KIF1A: variants seen among roughly 807,000 people sequenced by gnomAD.
KIF1A encodes kinesin family member 1A, also known as kinesin-like protein KIF1A.
In KIF1A, 46 loss-of-function variants were observed where a neutral mutation model predicts 227.3. The ratio of observed to expected loss-of-function variants is 0.20; its 90% CI spans 0.16 to 0.26. KIF1A has a LOEUF of 0.26. KIF1A is among the 10% of genes least tolerant of loss of function. The pLI, the probability that KIF1A is intolerant of heterozygous loss-of-function variation, is 1.00. For missense variants in KIF1A, 1,683 were observed against 2,485.9 expected, an observed-to-expected ratio of 0.68 and a Z score of 6.87; for synonymous variants, 1,022 against 1,012.8, an observed-to-expected ratio of 1.01 and a Z score of -0.17.
intron 34 of KIF1A, among the ~76,000 whole-genome samples, chr2:240,741,851 C>T (rs182043627): frequency 7.9e-5 from 12 of 152,344 alleles, no homozygotes; most frequent in Admixed American, 7.8e-4. Context: ...TGTCCCTCAG[C>T]TCCCACTGAC....
intron 38 of KIF1A, chr2:240,734,791 C>T (rs1365082445): frequency 1.3e-5 from 17 of 1,301,316 alleles, no homozygotes; most frequent in Non-Finnish European, 1.7e-5. Flanking sequence ...CCGGGCAGCG[C>T]AGCGGGAGCG....
chr2:240,780,802 A>ACACACACACACACACACACACAGCTC (rs1559522424), intron 10 of KIF1A, among the ~76,000 whole-genome samples: 1 of 52,922 alleles, frequency 1.9e-5, no homozygotes, highest in Non-Finnish European at 3.7e-5. Flanking sequence ...ACAGCTCCAC[A>ACACACACACACACACACACACAGCTC]CACACACACA....
At chr2:240,779,510 A>C (rs2053293395) in intron 10 of KIF1A, among the ~76,000 whole-genome samples, 1 of 146,086 alleles carries the variant, frequency 6.8e-6, no homozygotes, top group Non-Finnish European at 1.5e-5. Flanking sequence ...TCAGTTCCAC[A>C]CTCAGTTCCT....
At chr2:240,770,547 C>T (rs1190742949) in intron 15 of KIF1A, among the ~76,000 whole-genome samples, 1 of 152,168 alleles carries the variant, frequency 6.6e-6, no homozygotes, top group Non-Finnish European at 1.5e-5. Context: ...CCCACAGATG[C>T]CATCCAGCTC....
chr2:240,754,723 C>T (rs2049626248), intron 27 of KIF1A, among the ~76,000 whole-genome samples: 1 of 152,148 alleles, frequency 6.6e-6, no homozygotes, highest in Non-Finnish European at 1.5e-5. Flanking sequence ...CAGGCCTGTC[C>T]CTACCAGCCA....
At chr2:240,731,278 T>A (rs2046566839) in intron 38 of KIF1A, among the ~76,000 whole-genome samples, 1 of 149,640 alleles carries the variant, frequency 6.7e-6, no homozygotes, top group African/African-American at 2.5e-5. Context: ...GTATGCCAGA[T>A]GCCAGGCACA....
intron 6 of KIF1A, among the ~76,000 whole-genome samples, chr2:240,786,126 G>A (rs2054719700): frequency 6.6e-6 from 1 of 152,244 alleles, no homozygotes. Flanking sequence ...GAAGCCCCAT[G>A]GAGGTGACAG....
intron 40 of KIF1A, chr2:240,724,325 C>T (rs968794484): frequency 1.4e-5 from 7 of 490,874 alleles, no homozygotes; most frequent in Admixed American, 6.7e-5. Flanking sequence ...AAGTGGGGTA[C>T]AGGCAACATG....
chr2:240,819,328 C>T (rs1426675619), intron 1 of KIF1A, among the ~76,000 whole-genome samples: 1 of 152,194 alleles, frequency 6.6e-6, no homozygotes, highest in African/African-American at 2.4e-5. Context: ...CGCAGCCCCT[C>T]CCTCGCCGCC....
chr2:240,723,372 G>A, intron 42 of KIF1A, 41 bp downstream of exon 42: 1 of 1,504,998 alleles, frequency 6.6e-7, no homozygotes, highest in South Asian at 1.3e-5. Context: ...AAAGCCACAT[G>A]GACACCACCG....
rs377694236 is a variant in KIF1A, at chr2:240,718,154, G to A, written c.5229C>T (p.Phe1743=). ...QQAMLKTPNT[F]AVCTEHRGIL... ...TGCCGCGGTGTTCCGTGCACACCGCGAATGTGTTGGGTGTCTGCAGAGGGA... is the reference window on the plus strand; with the variant it reads ...TGCCGCGGTGTTCCGTGCACACCGCAAATGTGTTGGGTGTCTGCAGAGGGA... The change falls in exon 48 of 49, where the codon TTC becomes TTT. Residue 1743 remains phenylalanine, a synonymous_variant. Transcript: ENST00000498729. 14 of 1,604,340 alleles carry A rather than the reference G, an allele frequency of 8.7e-6. No individual in the cohort carries two copies. The highest frequency in any genetic ancestry group is 1.6e-4 in the Middle Eastern group (1 of 6,072).
chr2:240,783,591 C>A, intron 8 of KIF1A, 148 bp downstream of exon 8: 1 of 632,924 alleles, frequency 1.6e-6, no homozygotes, highest in South Asian at 2.0e-5. Context: ...GCTGGCAGCC[C>A]AAGACCCCAG....
intron 1 of KIF1A, chr2:240,798,065 C>T (rs1398843067): frequency 1.1e-5 from 3 of 268,364 alleles, no homozygotes; most frequent in East Asian, 8.1e-5. Context: ...AGAAACACAG[C>T]GACCTGGGTG....
chr2:240,729,281 G>C lies in KIF1A; in HGVS notation c.4008-2341C>G, dbSNP rs550148326. Among the ~76,000 whole-genome samples, 17 of 141,854 alleles carry C rather than the reference G, an allele frequency of 1.2e-4. No homozygotes were observed. In the East Asian group the frequency reaches 3.1e-3, roughly 26 times the overall value. The allele number at this position is 141,854 out of a possible 152,430, so 93.1% of individuals were successfully genotyped here. On this transcript the variant is annotated intron_variant, in intron 38 of 48. Coordinates refer to ENST00000498729, the MANE Select transcript of KIF1A (RefSeq NM_001244008.2). ...CCTCCAAAGTCCCTAAAGGGCCTCA[G>C]CTTGCTTCTCTTCCCCTTCCTTCTC...
At chr2:240,808,127 T>A (rs977658661) in intron 1 of KIF1A, among the ~76,000 whole-genome samples, 4 of 152,198 alleles carry the variant, frequency 2.6e-5, no homozygotes, top group Admixed American at 6.5e-5. Context: ...CTATTTAACA[T>A]TGTAGGAGAG....
chr2:240,788,041 C>CCCCT lies in KIF1A; in HGVS notation c.363+9_363+10insAGGG. ...GCCAGGGCTGCCCCCGCCCGCCCCC[C>CCCCT]GCTTCGTGCCTGTGGGATGATGCCC... On this transcript the variant is annotated intron_variant, in intron 4 of 48. Coordinates refer to ENST00000498729, the MANE Select transcript of KIF1A (RefSeq NM_001244008.2). This position sits in a 1 kb window ranked among gnomAD's most constrained non-coding sequence, Gnocchi z 6.6. 16 of 1,520,474 alleles carry CCCCT rather than the reference C, an allele frequency of 1.1e-5. No individual in the cohort carries two copies. Among genetic ancestry groups the CCCCT allele is most frequent in the Non-Finnish European group, 1.4e-5 (16 of 1,121,130 alleles). The allele number at this position is 1,520,474 out of a possible 1,614,324, so 94.2% of individuals were successfully genotyped here.
Position 240,758,493 on chromosome 2 carries a change from G to T in KIF1A, c.2449C>A (p.Arg817Ser). ...HYWTLEKLRQRLDLMREMYDR... is the reference protein window; with the variant it reads ...HYWTLEKLRQSLDLMREMYDR... ...TACATCTCCCGCATCAGGTCCAGAC[G>T]CTGCCTGCAGGGACGGCAGGGGTCA... is the stretch of plus-strand genomic sequence containing the variant. Residue 817 changes from arginine to serine, a missense_variant, in exon 26 of 49, where the codon CGT (arginine) becomes AGT (serine). Arg to Ser is a moderately radical substitution (Grantham distance 110). Around this residue, in one of 12 missense-constraint regions of KIF1A, gnomAD observed 759 missense variants for 1,020.2 expected, o/e 0.74. Coordinates refer to ENST00000498729, the MANE Select transcript of KIF1A (RefSeq NM_001244008.2). The surrounding 1 kb of genome is among the most constrained non-coding windows in gnomAD (Gnocchi z 5.2). 1 of 1,579,850 alleles carries T rather than the reference G, an allele frequency of 6.3e-7. No homozygotes were observed. Among genetic ancestry groups the T allele is most frequent in the Non-Finnish European group, 8.6e-7 (1 of 1,161,518 alleles).
At chr2:240,719,979 C>T (rs538750744) in intron 45 of KIF1A, 53 bp from the exon 46 acceptor site, 168 of 1,519,092 alleles carry the variant, frequency 1.1e-4, no homozygotes, top group East Asian at 4.3e-4. Context: ...GGCCTGGGGC[C>T]GTCTTCCCCC....
intron 38 of KIF1A, among the ~76,000 whole-genome samples, chr2:240,727,168 T>C (rs1379859510): frequency 6.6e-6 from 1 of 152,130 alleles, no homozygotes; most frequent in Non-Finnish European, 1.5e-5. Flanking sequence ...AGCCCAGCAT[T>C]TTCCCAGCTC....
Sources: allele counts gnomAD v4.1 joint callset (sites outside exome capture counted in the v4.1 genomes callset), GRCh38; gene constraint gnomAD v4.1.1; regional missense constraint gnomAD v4.1.1; non-coding constraint Gnocchi (gnomAD v3.1); transcripts MANE v1.5; gene names NCBI Gene and HGNC (gene_info 2026-07-23, HGNC 2026-07-21).